The following IL1RAPL2 variants were observed in gnomAD, a reference collection of about 807,000 sequenced individuals.
IL1RAPL2 encodes interleukin 1 receptor accessory protein like 2.
Under a neutral mutation model 44.1 loss-of-function variants are expected in IL1RAPL2, and 3 were observed. The observed-to-expected ratio is 0.07, with a 90% CI of 0.03 to 0.18. The LOEUF (loss-of-function observed/expected upper bound fraction) is 0.18, where lower values mean the gene tolerates loss of function less well. IL1RAPL2 is among the 10% of genes least tolerant of loss of function. The pLI is 1.00. For missense variants in IL1RAPL2, 391 were observed against 496.4 expected, an observed-to-expected ratio of 0.79 and a Z score of 2.02; for synonymous variants, 181 against 178.8, an observed-to-expected ratio of 1.01 and a Z score of -0.10.
chrX:104,676,467 C>G (rs1411951037), intron 2 of IL1RAPL2, among the ~76,000 whole-genome samples: 3 of 112,132 alleles, frequency 2.7e-5, no homozygotes, highest in Non-Finnish European at 5.6e-5. Flanking sequence ...GCTGAGAGAT[C>G]CACTGTTAGT....
Position 104,875,340 on chromosome X carries a change from C to T in IL1RAPL2, c.82+216345C>T, listed in dbSNP as rs749149802. Among the ~76,000 whole-genome samples the T allele has an allele frequency of 1.5e-4, 17 of 111,463 alleles. No homozygotes were observed. In the East Asian group the frequency reaches 4.8e-3, roughly 31 times the overall value. On this transcript the variant is annotated intron_variant, in intron 2 of 10. Coordinates refer to ENST00000372582, the MANE Select transcript of IL1RAPL2 (RefSeq NM_017416.2). ...ATTCTGTTGGGTATTGTACTTAACA[C>T]TGAGGATACCAAAAATAGATATGGC...
chrX:105,369,029 T>C (rs2035317263), intron 5 of IL1RAPL2, among the ~76,000 whole-genome samples: 1 of 109,472 alleles, frequency 9.1e-6, no homozygotes, highest in Admixed American at 9.9e-5. Flanking sequence ...TTTGATACTT[T>C]TTAATATTTT....
At chrX:104,661,600 T>C (rs1037007868) in intron 2 of IL1RAPL2, among the ~76,000 whole-genome samples, 1 of 110,389 alleles carries the variant, frequency 9.1e-6, no homozygotes, top group Non-Finnish European at 1.9e-5. Context: ...TCCAGCCCTA[T>C]ACCTCTGTTA....
intron 3 of IL1RAPL2, among the ~76,000 whole-genome samples, chrX:105,217,551 A>G (rs2033875670): frequency 8.9e-6 from 1 of 112,211 alleles, no homozygotes; most frequent in South Asian, 3.7e-4. Context: ...GCGATTCCTC[A>G]GGGATGTAGA....
At chrX:104,682,998 G>A (rs776034708) in intron 2 of IL1RAPL2, among the ~76,000 whole-genome samples, 7 of 111,624 alleles carry the variant, frequency 6.3e-5, no homozygotes, top group Non-Finnish European at 9.4e-5. Context: ...GTATAGAATC[G>A]TTTGGCCTGA....
At position 105,226,385 on chromosome X, in the gene IL1RAPL2, C is replaced by CTTTTTTTTTTTTTTTT. The variant is rs35192051; in HGVS notation, c.357-7418_357-7403dup. Among the ~76,000 whole-genome samples, 19 of 53,330 alleles carry CTTTTTTTTTTTTTTTT rather than the reference C, an allele frequency of 3.6e-4. 1 individual carries two copies. The highest frequency in any genetic ancestry group is 1.7e-3 in the African/African-American group (18 of 10,496). 46.3% of individuals were successfully genotyped at this position (53,330 alleles called of 115,157 possible). On this transcript the variant is annotated intron_variant, in intron 3 of 10. Coordinates refer to ENST00000372582, the MANE Select transcript of IL1RAPL2 (RefSeq NM_017416.2). ...GACCCTTTGCCATTCTTTCTTTTCC[C>CTTTTTTTTTTTTTTTT]TTTTTTTTTTTTTTTTTTTTTTTTT...
chrX:105,617,360 C>A lies in IL1RAPL2; in HGVS notation c.773-100007C>A, dbSNP rs180725177. On this transcript the variant is annotated intron_variant, in intron 6 of 10. Coordinates refer to ENST00000372582, the MANE Select transcript of IL1RAPL2 (RefSeq NM_017416.2). Reference sequence around the variant, plus strand: ...AGAGCATATGGGCCAGTGAACAGAGCCCTGAGTGGCCACTGACAACCTCAA... The same window carrying A: ...AGAGCATATGGGCCAGTGAACAGAGACCTGAGTGGCCACTGACAACCTCAA... Among the ~76,000 whole-genome samples, 3 of 110,728 alleles carry A rather than the reference C, an allele frequency of 2.7e-5. No homozygotes were observed. In the East Asian group the frequency reaches 8.6e-4, roughly 32 times the overall value.
intron 6 of IL1RAPL2, among the ~76,000 whole-genome samples, chrX:105,654,327 T>G (rs2037662919): frequency 1.8e-5 from 2 of 111,244 alleles, no homozygotes; most frequent in Non-Finnish European, 3.8e-5. Context: ...TTAGGCCACT[T>G]AGCTCCTCTC....
At chrX:105,746,716 A>G (rs992023893) in intron 8 of IL1RAPL2, among the ~76,000 whole-genome samples, 1 of 111,960 alleles carries the variant, frequency 8.9e-6, no homozygotes, top group African/African-American at 3.2e-5. Flanking sequence ...TGAGAGCACA[A>G]ATTGTTCCTG....
At chrX:105,247,926 A>T (rs1569412785) in intron 4 of IL1RAPL2, among the ~76,000 whole-genome samples, 1 of 108,527 alleles carries the variant, frequency 9.2e-6, no homozygotes, top group African/African-American at 3.4e-5. Context: ...CCCTTCTCTA[A>T]TTTTTTTTTA....
At chrX:104,713,156 G>A (rs1429162478) in intron 2 of IL1RAPL2, among the ~76,000 whole-genome samples, 5 of 110,292 alleles carry the variant, frequency 4.5e-5, no homozygotes, top group South Asian at 7.7e-4. Context: ...AGTCAGTGAC[G>A]AAAGCTGGGA....
intron 5 of IL1RAPL2, among the ~76,000 whole-genome samples, chrX:105,323,857 C>T (rs7055884): frequency 0.1 from 11,143 of 107,840 alleles, 1,465 homozygotes; most frequent in African/African-American, 0.37. Context: ...GTCTGGGCAA[C>T]AGAGTGAGAC....
chrX:105,088,866 A>T (rs1212994590), intron 2 of IL1RAPL2, among the ~76,000 whole-genome samples: 1 of 111,701 alleles, frequency 9.0e-6, no homozygotes, highest in Non-Finnish European at 1.9e-5. Flanking sequence ...GTAGCACTAG[A>T]TTAGCATTGG....
At chrX:105,265,726 C>G (rs1465520087) in intron 4 of IL1RAPL2, among the ~76,000 whole-genome samples, 1 of 94,008 alleles carries the variant, frequency 1.1e-5, no homozygotes, top group Non-Finnish European at 1.9e-5. Context: ...TTCCTGCTAA[C>G]ATGAAAGAAA....
At chrX:104,865,648 G>A (rs994293739) in intron 2 of IL1RAPL2, among the ~76,000 whole-genome samples, 18 of 112,381 alleles carry the variant, frequency 1.6e-4, no homozygotes, top group African/African-American at 5.5e-4. Context: ...AATAAAGCAG[G>A]CAGAAGAAAA....
chrX:105,568,593 G>T (rs147452270), intron 6 of IL1RAPL2, among the ~76,000 whole-genome samples: 2 of 112,014 alleles, frequency 1.8e-5, no homozygotes, highest in Non-Finnish European at 3.8e-5. Context: ...AACACTTTAT[G>T]CAATGTATCC....
intron 2 of IL1RAPL2, among the ~76,000 whole-genome samples, chrX:105,186,402 C>T (rs1263569110): frequency 9.0e-6 from 1 of 111,695 alleles, no homozygotes; most frequent in Non-Finnish European, 1.9e-5. Flanking sequence ...TTGGGATATG[C>T]ATGGAAGGTG....
intron 2 of IL1RAPL2, among the ~76,000 whole-genome samples, chrX:104,980,403 T>TA (rs1321599191): frequency 8.9e-6 from 1 of 112,018 alleles, no homozygotes; most frequent in East Asian, 2.8e-4. Context: ...TTTGAAATTC[T>TA]ACTTTATGAA....
intron 6 of IL1RAPL2, among the ~76,000 whole-genome samples, chrX:105,712,858 G>T (rs2038222715): frequency 8.9e-6 from 1 of 112,189 alleles, no homozygotes; most frequent in Non-Finnish European, 1.9e-5. Context: ...AGATACAATG[G>T]GGGTACAGGC....
Sources: gnomAD v4.1 joint callset for allele counts (sites outside exome capture counted in the v4.1 genomes callset) on GRCh38, gnomAD v4.1.1 for gene constraint, MANE v1.5 for transcripts, NCBI Gene and HGNC (gene_info 2026-07-23, HGNC 2026-07-21) for gene names.